SHISAL2A: variants seen among roughly 807,000 people sequenced by gnomAD.
SHISAL2A encodes protein shisa-like-2A.
SHISAL2A carries 18 observed loss-of-function variants against 11.5 expected under a neutral mutation model. The ratio of observed to expected loss-of-function variants is 1.57; its 90% CI spans 1.08 to 2.33. The LOEUF (loss-of-function observed/expected upper bound fraction) is 2.33. Among genes scored for constraint, SHISAL2A ranks in the 30% most tolerant of loss-of-function variants. The probability of loss-of-function intolerance (pLI) is 0.00; values close to 1 mark genes in which losing one functional copy is unlikely to be tolerated. For synonymous variants in SHISAL2A, 94 were observed against 99.6 expected (o/e 0.94, Z 0.34); for missense variants, 261 against 250.9 (o/e 1.04, Z -0.27).
In SHISAL2A at chr1:52,652,965, C is replaced by CAAAAAAAAAAAAAAA. The variant is rs36154490; in HGVS notation, c.323-3806_323-3792dup. Among the ~76,000 whole-genome samples, 6 of 22,378 alleles carry CAAAAAAAAAAAAAAA rather than the reference C, an allele frequency of 2.7e-4. 1 individual carries two copies. Among genetic ancestry groups the CAAAAAAAAAAAAAAA allele is most frequent in the African/African-American group, 1.3e-3 (6 of 4,562 alleles). The allele number at this position is 22,378 out of a possible 152,430, so 14.7% of individuals were successfully genotyped here. A position where few individuals can be genotyped will look rare whatever the true frequency, so the allele number is the denominator to read the frequency against. On this transcript the variant is annotated intron_variant, in intron 2 of 2. Transcript: ENST00000517870. ...TGGGTGACAGAGTGAGACTCTGTCT[C>CAAAAAAAAAAAAAAA]AAAAAAAAAAAAAAAAAAAAAAAAA... is the stretch of plus-strand genomic sequence containing the variant.
intron 2 of SHISAL2A, among the ~76,000 whole-genome samples, chr1:52,648,156 A>G (rs1691545721): frequency 6.7e-6 from 1 of 149,236 alleles, no homozygotes; most frequent in Admixed American, 6.7e-5. Context: ...TCAATATTAT[A>G]TAATTGTTAG....
chr1:52,648,065 AT>A (rs1691542149), intron 2 of SHISAL2A, among the ~76,000 whole-genome samples: 1 of 47,778 alleles, frequency 2.1e-5, no homozygotes, highest in Non-Finnish European at 3.8e-5. Flanking sequence ...ATAATTATAT[AT>A]TAATATATCA....
At chr1:52,651,886 C>G (rs1481888427) in intron 2 of SHISAL2A, among the ~76,000 whole-genome samples, 2 of 152,156 alleles carry the variant, frequency 1.3e-5, no homozygotes, top group African/African-American at 2.4e-5. Context: ...AAAAATTAGG[C>G]CAGTTGTATT....
intron 2 of SHISAL2A, among the ~76,000 whole-genome samples, chr1:52,649,083 C>T (rs1218281968): frequency 1.3e-5 from 2 of 152,204 alleles, no homozygotes; most frequent in African/African-American, 2.4e-5. Context: ...AAACTCAGCT[C>T]TTAGTTCCTA....
At chr1:52,640,639 T>C (rs929657898) in intron 1 of SHISAL2A, among the ~76,000 whole-genome samples, 1 of 151,312 alleles carries the variant, frequency 6.6e-6, no homozygotes, top group East Asian at 1.9e-4. Context: ...AAAAAAAACA[T>C]ATTTGGTCTC....
At chr1:52,654,214 A>G (rs115622641) in intron 2 of SHISAL2A, among the ~76,000 whole-genome samples, 1,662 of 133,314 alleles carry the variant, frequency 0.012, 43 homozygotes, top group African/African-American at 0.046. Flanking sequence ...CCTGGCCAAA[A>G]TGGCAGTTTT....
At chr1:52,658,726 C>A (rs1691847262), downstream of SHISAL2A, among the ~76,000 whole-genome samples, 1 of 152,244 alleles carries the variant, frequency 6.6e-6, no homozygotes, top group Non-Finnish European at 1.5e-5. Flanking sequence ...TCAGCCCTCC[C>A]TCCTGGCTGC....
chr1:52,634,237 T>A (rs1031224452), intron 1 of SHISAL2A, among the ~76,000 whole-genome samples: 16 of 151,884 alleles, frequency 1.1e-4, no homozygotes, highest in African/African-American at 3.6e-4. Flanking sequence ...TAGATCTACA[T>A]CCAAACCTCA....
Position 52,633,387 on chromosome 1 carries a change from T to G in SHISAL2A, c.-107T>G. 9.6e-7 allele frequency: 1 copy of G among 1,036,306 alleles called. No individual in the cohort carries two copies. The highest frequency in any genetic ancestry group is 1.3e-6 in the Non-Finnish European group (1 of 762,096). The allele number at this position is 1,036,306 out of a possible 1,614,324, so 64.2% of individuals were successfully genotyped here. ...CTCGGCCCCTGGGTCTCTTCGTCTC[T>G]GCCGTTCTCAGGCTCAGCTCCGTCT... On this transcript the variant is annotated 5_prime_UTR_variant, in exon 1 of 3. Coordinates refer to ENST00000517870, the MANE Select transcript of SHISAL2A (RefSeq NM_001042693.3). The surrounding 1 kb of genome is among the most constrained non-coding windows in gnomAD (Gnocchi z 6.4).
intron 2 of SHISAL2A, among the ~76,000 whole-genome samples, chr1:52,646,316 A>G (rs574645890): frequency 4.3e-4 from 65 of 152,338 alleles, no homozygotes; most frequent in African/African-American, 1.5e-3. Flanking sequence ...GAATAGAAAG[A>G]GTCCAGAAAC....
intron 4 of SHISAL2A, among the ~76,000 whole-genome samples, chr1:52,662,191 G>T (rs1451314755): frequency 6.6e-6 from 1 of 152,176 alleles, no homozygotes; most frequent in East Asian, 1.9e-4. Flanking sequence ...GAGTTGCAAA[G>T]ATTCTAAGGC....
At position 52,633,411 on chromosome 1, in the gene SHISAL2A, C is replaced by G; in HGVS notation, c.-83C>G. 1.6e-6 allele frequency: 2 copies of G among 1,248,226 alleles called. No homozygotes were observed. Among genetic ancestry groups the G allele is most frequent in the Non-Finnish European group, 2.1e-6 (2 of 948,718 alleles). 77.3% of individuals were successfully genotyped at this position (1,248,226 alleles called of 1,614,324 possible). A position where few individuals can be genotyped will look rare whatever the true frequency, so the allele number is the denominator to read the frequency against. ...CTGCCGTTCTCAGGCTCAGCTCCGT[C>G]TCGCTCGGTCCCTCGCTTCCCCGCC... On this transcript the variant is annotated 5_prime_UTR_variant, in exon 1 of 3. Transcript: ENST00000517870. This position sits in a 1 kb window ranked among gnomAD's most constrained non-coding sequence, Gnocchi z 6.4.
chr1:52,634,509 G>A (rs1171887221), intron 1 of SHISAL2A, among the ~76,000 whole-genome samples: 1 of 152,216 alleles, frequency 6.6e-6, no homozygotes, highest in African/African-American at 2.4e-5. Flanking sequence ...ATTCATAGAA[G>A]TGTTGACTCT....
At chr1:52,668,269 C>A (rs759927221) in intron 5 of SHISAL2A, among the ~76,000 whole-genome samples, 13 of 152,136 alleles carry the variant, frequency 8.5e-5, no homozygotes, top group Non-Finnish European at 1.6e-4. Context: ...ACATGTGTGG[C>A]CCAAAGAACT....
chr1:52,650,245 C>G (rs779122434), intron 2 of SHISAL2A, among the ~76,000 whole-genome samples: 1 of 152,226 alleles, frequency 6.6e-6, no homozygotes, highest in Non-Finnish European at 1.5e-5. Flanking sequence ...CCTGAGAACT[C>G]CTTTCCAAGC....
intron 2 of SHISAL2A, among the ~76,000 whole-genome samples, chr1:52,648,506 T>C (rs1402838032): frequency 6.6e-6 from 1 of 152,136 alleles, no homozygotes; most frequent in Non-Finnish European, 1.5e-5. Flanking sequence ...ACTCTCCCCT[T>C]CACCCTCCTT....
At chr1:52,642,806 A>G (rs376785517) in intron 1 of SHISAL2A, 57 bp from the exon 2 acceptor site, 1 of 1,560,936 alleles carries the variant, frequency 6.4e-7, no homozygotes, top group Non-Finnish European at 8.8e-7. Flanking sequence ...CTTTTATAAC[A>G]TCTGTCTCCC....
downstream of SHISAL2A, among the ~76,000 whole-genome samples, chr1:52,658,088 AGAGTG>A (rs1691835245): frequency 6.6e-6 from 1 of 151,786 alleles, no homozygotes; most frequent in Non-Finnish European, 1.5e-5. Flanking sequence ...CACTTAGGCT[AGAGTG>A]CAATGGCATG....
At chr1:52,635,943 C>G (rs578078765) in intron 1 of SHISAL2A, among the ~76,000 whole-genome samples, 2 of 152,372 alleles carry the variant, frequency 1.3e-5, no homozygotes, top group African/African-American at 4.8e-5. Flanking sequence ...TTTTCTGTAT[C>G]AGATTTCTCT....
Sources: allele counts gnomAD v4.1 joint callset (sites outside exome capture counted in the v4.1 genomes callset), GRCh38; gene constraint gnomAD v4.1.1; non-coding constraint Gnocchi (gnomAD v3.1); transcripts MANE v1.5; gene names NCBI Gene and HGNC (gene_info 2026-07-23, HGNC 2026-07-21).